The following SHC4 variants were observed in gnomAD, a reference collection of about 807,000 sequenced individuals.
SHC4 encodes the protein SHC-transforming protein 4.
SHC4 carries 41 observed loss-of-function variants against 69.4 expected under a neutral mutation model. The ratio of observed to expected loss-of-function variants is 0.59; its 90% CI spans 0.46 to 0.77. The LOEUF (loss-of-function observed/expected upper bound fraction) is 0.77. Ranked by LOEUF, SHC4 falls within the 30% of genes least tolerant of loss-of-function variation. The pLI, the probability that SHC4 is intolerant of heterozygous loss-of-function variation, is 0.00. For missense variants in SHC4, 777 were observed against 783.8 expected, an observed-to-expected ratio of 0.99 and a Z score of 0.10; for synonymous variants, 318 against 299.3, an observed-to-expected ratio of 1.06 and a Z score of -0.64.
chr15:48,939,164 T>C (rs192390068), intron 1 of SHC4, among the ~76,000 whole-genome samples: 208 of 152,298 alleles, frequency 1.4e-3, no homozygotes, highest in Non-Finnish European at 2.3e-3. Context: ...TATGGGGAGC[T>C]GATAAACAAG....
Position 48,962,610 on chromosome 15 carries a change from T to A in SHC4, c.406A>T (p.Ser136Cys). ...GSSGPSSPET[S>C]LSRSGTAPPP... is the part of the protein sequence containing the mutation. Reference sequence around the variant, plus strand: ...GGTGCAGTCCCGGACCTACTTAAACTGGTTTCTGGGGAAGAGGGGCCGCTG... The same window carrying A: ...GGTGCAGTCCCGGACCTACTTAAACAGGTTTCTGGGGAAGAGGGGCCGCTG... The change falls in exon 1 of 12, where the codon AGT (serine) becomes TGT (cysteine). Residue 136 changes from serine to cysteine, a missense_variant. Physicochemically the swap from Ser to Cys is moderately radical, Grantham distance 112. Coordinates refer to ENST00000332408, the MANE Select transcript of SHC4 (RefSeq NM_203349.4). 1 of 1,614,084 alleles carries A rather than the reference T, an allele frequency of 6.2e-7. No homozygotes were observed. The highest frequency in any genetic ancestry group is 8.5e-7 in the Non-Finnish European group (1 of 1,179,976).
chr15:48,884,038 G>A (rs996108729), intron 4 of SHC4, among the ~76,000 whole-genome samples: 1 of 152,142 alleles, frequency 6.6e-6, no homozygotes, highest in Admixed American at 6.5e-5. Flanking sequence ...AGTTAGGTAG[G>A]GACACCTATG....
intron 3 of SHC4, among the ~76,000 whole-genome samples, chr15:48,889,461 A>G (rs1322818030): frequency 6.6e-6 from 1 of 152,240 alleles, no homozygotes; most frequent in East Asian, 1.9e-4. Flanking sequence ...GACCTTAATC[A>G]TCCTAGTGAC....
At chr15:48,852,480 A>T (rs1409711240) in intron 8 of SHC4, among the ~76,000 whole-genome samples, 1 of 152,234 alleles carries the variant, frequency 6.6e-6, no homozygotes, top group Non-Finnish European at 1.5e-5. Context: ...AATAGTCTAT[A>T]TGTTTAAAAA....
chr15:48,849,200 T>C (rs1899157790), intron 9 of SHC4, among the ~76,000 whole-genome samples: 1 of 152,054 alleles, frequency 6.6e-6, no homozygotes, highest in Non-Finnish European at 1.5e-5. Flanking sequence ...TTAGTTCTGG[T>C]GCCCATTTAT....
chr15:48,880,985 AGTGTGTGTGTGTGTGTGTGTGT>A (rs10523567), intron 4 of SHC4, among the ~76,000 whole-genome samples: 11 of 145,974 alleles, frequency 7.5e-5, no homozygotes, highest in East Asian at 6.0e-4. Context: ...TGTGTGTGAG[AGTGTGTGTGTGTGTGTGTGTGT>A]GTGTGTGTGT....
At chr15:48,917,857 C>T (rs2141020535) in intron 2 of SHC4, among the ~76,000 whole-genome samples, 1 of 152,290 alleles carries the variant, frequency 6.6e-6, no homozygotes, top group Admixed American at 6.5e-5. Flanking sequence ...AAAGGTCCCT[C>T]TAAAGAAAAG....
chr15:48,884,570 G>A (rs969569664), intron 3 of SHC4, among the ~76,000 whole-genome samples: 4 of 152,100 alleles, frequency 2.6e-5, no homozygotes, highest in African/African-American at 9.7e-5. Flanking sequence ...TTATTAAGTA[G>A]TGAAATTTAG....
chr15:48,950,488 T>C (rs1901349404), intron 1 of SHC4, among the ~76,000 whole-genome samples: 1 of 152,072 alleles, frequency 6.6e-6, no homozygotes, highest in Non-Finnish European at 1.5e-5. Flanking sequence ...GATCTCCTAG[T>C]TTCAAATGAA....
At chr15:48,887,431 G>A (rs1900054411) in intron 3 of SHC4, among the ~76,000 whole-genome samples, 1 of 152,178 alleles carries the variant, frequency 6.6e-6, no homozygotes, top group African/African-American at 2.4e-5. Flanking sequence ...AATAACACTA[G>A]TGGCTAGGTT....
At chr15:48,884,100 T>C (rs1235587532) in intron 4 of SHC4, 148 bp downstream of exon 4, 5 of 822,170 alleles carry the variant, frequency 6.1e-6, no homozygotes, top group Non-Finnish European at 8.4e-6. Flanking sequence ...GTTCTAATGA[T>C]TGTTATGCAT....
In SHC4 at chr15:48,955,033, T is replaced by C. The variant is rs184133459; in HGVS notation, c.585+7398A>G. Among the ~76,000 whole-genome samples, 19 of 152,222 alleles carry C rather than the reference T, an allele frequency of 1.2e-4. No individual in the cohort carries two copies. In the East Asian group the frequency reaches 3.7e-3, roughly 29 times the overall value. On this transcript the variant is annotated intron_variant, in intron 1 of 11. Transcript: ENST00000332408. Reference sequence around the variant, plus strand: ...ACTAATCCTAGAGTTCTACCACCCTTAAAAACTCTTTGCAACATTGTTACA... The same window carrying C: ...ACTAATCCTAGAGTTCTACCACCCTCAAAAACTCTTTGCAACATTGTTACA...
chr15:48,885,192 C>G (rs967731151), intron 3 of SHC4, among the ~76,000 whole-genome samples: 6 of 152,110 alleles, frequency 3.9e-5, no homozygotes, highest in Non-Finnish European at 5.9e-5. Flanking sequence ...GCACTGGGGT[C>G]ATATGTCAGG....
At chr15:48,887,391 A>T (rs185981497) in intron 3 of SHC4, among the ~76,000 whole-genome samples, 35 of 152,314 alleles carry the variant, frequency 2.3e-4, no homozygotes, top group African/African-American at 8.4e-4. Flanking sequence ...TCAGGGCCCC[A>T]GTTTCCTCAT....
intron 1 of SHC4, among the ~76,000 whole-genome samples, chr15:48,925,347 T>G (rs554543981): frequency 6.6e-6 from 1 of 152,292 alleles, no homozygotes; most frequent in Admixed American, 6.5e-5. Context: ...ACAATAGGAA[T>G]TGTTAGGAGA....
intron 2 of SHC4, among the ~76,000 whole-genome samples, chr15:48,900,465 C>T (rs1378698649): frequency 1.3e-5 from 2 of 151,194 alleles, no homozygotes; most frequent in Non-Finnish European, 2.9e-5. Context: ...TGAGATCGTG[C>T]TACTGCACTC....
chr15:48,933,130 T>A (rs1347376767), intron 1 of SHC4, among the ~76,000 whole-genome samples: 1 of 152,118 alleles, frequency 6.6e-6, no homozygotes, highest in Non-Finnish European at 1.5e-5. Context: ...AGGACAAACT[T>A]GGAACCATAT....
chr15:48,867,088 G>T (rs1421561896), intron 6 of SHC4, among the ~76,000 whole-genome samples: 1 of 152,204 alleles, frequency 6.6e-6, no homozygotes, highest in Non-Finnish European at 1.5e-5. Flanking sequence ...CTGCCCTCAT[G>T]AAGATTTTAG....
chr15:48,916,055 G>A (rs1253747700), intron 2 of SHC4, among the ~76,000 whole-genome samples: 1 of 152,092 alleles, frequency 6.6e-6, no homozygotes, highest in South Asian at 2.1e-4. Context: ...ACTTATCCAT[G>A]CATTGCCGTA....
Sources: gnomAD v4.1 joint callset for allele counts (sites outside exome capture counted in the v4.1 genomes callset) on GRCh38, gnomAD v4.1.1 for gene constraint, MANE v1.5 for transcripts, NCBI Gene and HGNC (gene_info 2026-07-23, HGNC 2026-07-21) for gene names.